SOX6: variants seen among roughly 807,000 people sequenced by gnomAD.
SOX6 encodes the protein SRY-box transcription factor 6.
A neutral mutation model predicts 97.8 loss-of-function variants in SOX6; 11 were observed. The observed-to-expected ratio is 0.11, with a 90% CI of 0.07 to 0.19. SOX6 has a LOEUF of 0.19. Among genes scored for constraint, SOX6 ranks in the 10% least tolerant of loss-of-function variants. The pLI, the probability that SOX6 is intolerant of heterozygous loss-of-function variation, is 1.00. For synonymous variants in SOX6, 360 were observed against 371.4 expected (o/e 0.97, Z 0.35); for missense variants, 810 against 1,039.5 (o/e 0.78, Z 3.04).
chr11:16,503,145 C>A (rs1207387509), intron 4 of SOX6, among the ~76,000 whole-genome samples: 3 of 151,740 alleles, frequency 2.0e-5, no homozygotes, highest in Admixed American at 2.0e-4. Context: ...GAAATAAAGT[C>A]TTTTCTAGAT....
chr11:16,177,023 A>C (rs1214285200), intron 6 of SOX6, among the ~76,000 whole-genome samples: 1 of 151,932 alleles, frequency 6.6e-6, no homozygotes, highest in Non-Finnish European at 1.5e-5. Flanking sequence ...GACAAGCAAA[A>C]GTGGAGACTT....
At chr11:16,675,603 C>A (rs184951911) in intron 3 of SOX6, among the ~76,000 whole-genome samples, 164 of 152,310 alleles carry the variant, frequency 1.1e-3, no homozygotes, top group Middle Eastern at 0.01. Context: ...TTCATTTCAG[C>A]TTGAAGAAGT....
At chr11:16,367,469 C>A (rs924571181) in intron 1 of SOX6, among the ~76,000 whole-genome samples, 1 of 152,104 alleles carries the variant, frequency 6.6e-6, no homozygotes, top group Non-Finnish European at 1.5e-5. Context: ...TGACACAAAG[C>A]GTAACCACAT....
chr11:16,195,117 A>G (rs914888130), intron 4 of SOX6, among the ~76,000 whole-genome samples: 4 of 152,230 alleles, frequency 2.6e-5, no homozygotes, highest in Admixed American at 2.0e-4. Context: ...GAGCGTTAGG[A>G]GAGGAAGGGA....
At chr11:16,601,523 AT>A (rs2133977637) in intron 4 of SOX6, among the ~76,000 whole-genome samples, 1 of 152,320 alleles carries the variant, frequency 6.6e-6, no homozygotes, top group African/African-American at 2.4e-5. Flanking sequence ...AAATATATGT[AT>A]GTATGAATTC....
At chr11:16,305,111 T>C (rs922727428) in intron 3 of SOX6, among the ~76,000 whole-genome samples, 1 of 152,108 alleles carries the variant, frequency 6.6e-6, no homozygotes, top group African/African-American at 2.4e-5. Context: ...TGAAAGCCCA[T>C]GTAAAGAGGA....
chr11:16,175,211 A>G (rs1227291692), intron 6 of SOX6, among the ~76,000 whole-genome samples: 1 of 151,974 alleles, frequency 6.6e-6, no homozygotes, highest in Non-Finnish European at 1.5e-5. Context: ...CATGTAGAAT[A>G]TGTACATGAA....
intron 7 of SOX6, among the ~76,000 whole-genome samples, chr11:16,110,626 A>G (rs1191230809): frequency 2.0e-5 from 3 of 152,140 alleles, no homozygotes; most frequent in Admixed American, 6.5e-5. Flanking sequence ...AAACTCACCA[A>G]TCTCATAACA....
At chr11:16,342,394 T>A (rs1452922736) in intron 1 of SOX6, among the ~76,000 whole-genome samples, 1 of 151,962 alleles carries the variant, frequency 6.6e-6, no homozygotes, top group East Asian at 1.9e-4. Context: ...ATCTCCACCT[T>A]AATTGCTATT....
At chr11:16,436,913 T>G (rs1470500978) in intron 1 of SOX6, among the ~76,000 whole-genome samples, 2 of 152,094 alleles carry the variant, frequency 1.3e-5, no homozygotes, top group Non-Finnish European at 2.9e-5. Context: ...CCTAGCCTTC[T>G]CTGTGAACCA....
rs978766183 is a variant in SOX6 at position 16,602,568 on chromosome 11, G to T, written n.609+9513C>A. 5.9e-5 allele frequency among the ~76,000 whole-genome samples: 9 copies of T among 152,240 alleles called. 1 individual carries two copies. The South Asian group carries it at 1.5e-3, about 25-fold the overall frequency. Reference sequence around the variant, plus strand: ...GTGCTCACATATGTGTATTCAAGAAGATACTTCCAAAACTGCACGGAAGAT... The same window carrying T: ...GTGCTCACATATGTGTATTCAAGAATATACTTCCAAAACTGCACGGAAGAT... On this transcript the variant is annotated intron_variant and non_coding_transcript_variant, in intron 4 of 5. Coordinates refer to the SOX6 transcript ENST00000524520.
At chr11:16,506,805 C>G (rs1860794772) in intron 4 of SOX6, among the ~76,000 whole-genome samples, 1 of 152,060 alleles carries the variant, frequency 6.6e-6, no homozygotes, top group Non-Finnish European at 1.5e-5. Context: ...AGCTCACACC[C>G]ATAATCCCAG....
intron 1 of SOX6, among the ~76,000 whole-genome samples, chr11:16,393,448 G>A (rs553815298): frequency 1.3e-5 from 2 of 152,018 alleles, no homozygotes; most frequent in South Asian, 2.1e-4. Flanking sequence ...ATATATATAA[G>A]TGACATACAC....
At chr11:16,178,373 A>C (rs1451305473) in intron 6 of SOX6, among the ~76,000 whole-genome samples, 1 of 152,008 alleles carries the variant, frequency 6.6e-6, no homozygotes, top group Non-Finnish European at 1.5e-5. Context: ...TTTTAAAGTT[A>C]ATTAGATTAC....
At chr11:16,644,508 T>A (rs1416770337) in intron 3 of SOX6, among the ~76,000 whole-genome samples, 1 of 152,228 alleles carries the variant, frequency 6.6e-6, no homozygotes, top group Non-Finnish European at 1.5e-5. Context: ...GATGTTCATA[T>A]CTGTAATTCC....
At chr11:16,532,870 T>C (rs1012480149) in intron 4 of SOX6, among the ~76,000 whole-genome samples, 4 of 151,910 alleles carry the variant, frequency 2.6e-5, no homozygotes, top group Non-Finnish European at 5.9e-5. Context: ...TCACTCTTCA[T>C]AGGTGAGATA....
chr11:16,470,160 A>G (rs73433577), intron 1 of SOX6, among the ~76,000 whole-genome samples: 126 of 152,244 alleles, frequency 8.3e-4, no homozygotes, highest in African/African-American at 2.6e-3. Context: ...AATTCCTTAC[A>G]TTCCCAGCAT....
intron 4 of SOX6, among the ~76,000 whole-genome samples, chr11:16,189,405 ATGTGTGTGTGCATGTG>A (rs55701672): frequency 0.55 from 82,620 of 150,880 alleles, 22,864 homozygotes; most frequent in East Asian, 0.75. Context: ...GGCAAAGGTC[ATGTGTGTGTGCATGTG>A]TGTGTGTGTG....
intron 4 of SOX6, among the ~76,000 whole-genome samples, chr11:16,483,651 A>G: frequency 6.6e-6 from 1 of 150,502 alleles, no homozygotes; most frequent in Non-Finnish European, 1.5e-5. Flanking sequence ...TGAGTGACAC[A>G]GGCTATACTA....
Sources: gnomAD v4.1 joint callset for allele counts (sites outside exome capture counted in the v4.1 genomes callset) on GRCh38, gnomAD v4.1.1 for gene constraint, MANE v1.5 for transcripts, NCBI Gene and HGNC (gene_info 2026-07-23, HGNC 2026-07-21) for gene names.